Variants in LMAN1 observed in about 807,000 individuals in gnomAD.
The protein encoded by LMAN1 is protein ERGIC-53.
In LMAN1, 32 loss-of-function variants were observed where a neutral mutation model predicts 67.8. That is an observed-to-expected ratio of 0.47 (90% CI 0.36 to 0.63). LMAN1 has a LOEUF of 0.63. Ranked by LOEUF, LMAN1 falls within the 30% of genes least tolerant of loss-of-function variation. The probability of loss-of-function intolerance (pLI) is 0.00; values close to 1 mark genes in which losing one functional copy is unlikely to be tolerated. For synonymous variants in LMAN1, 235 were observed against 219.3 expected (o/e 1.07, Z -0.63); for missense variants, 632 against 628.2 (o/e 1.01, Z -0.06).
At chr18:59,334,793 GA>G (rs1054370087) in intron 10 of LMAN1, among the ~76,000 whole-genome samples, 1 of 151,924 alleles carries the variant, frequency 6.6e-6, no homozygotes, top group Non-Finnish European at 1.5e-5. Context: ...AATCCACAAA[GA>G]AACAAACTAC....
rs2070743413 is a variant in LMAN1, at chr18:59,330,914, C to T, written c.*179G>A. 5.0e-6 allele frequency: 3 copies of T among 604,956 alleles called. No individual in the cohort carries two copies. In the South Asian group the frequency reaches 6.5e-5, roughly 13 times the overall value. 37.5% of individuals were successfully genotyped at this position (604,956 alleles called of 1,614,324 possible). A position where few individuals can be genotyped will look rare whatever the true frequency, so the allele number is the denominator to read the frequency against. The stretch of plus-strand genomic sequence containing the variant: ...TTTAGACAGATTTACATACTGTGAA[C>T]AAATTAAAATGTGGTTGTCTTTGCT... On this transcript the variant is annotated 3_prime_UTR_variant, in exon 13 of 13. Transcript: ENST00000251047.
intron 10 of LMAN1, among the ~76,000 whole-genome samples, chr18:59,337,825 T>G (rs773169021): frequency 6.6e-6 from 1 of 152,230 alleles, no homozygotes; most frequent in South Asian, 2.1e-4. Flanking sequence ...ACCTTCTGTT[T>G]GATCTAACCT....
At position 59,346,024 on chromosome 18, in the gene LMAN1, T is replaced by C; in HGVS notation, c.850A>G (p.Lys284Glu). ...PPTPDKEISE[K>E]EKEKYQEEFE... ...TCCTCCTGATACTTTTCTTTTTCCT[T>C]TTCCGAAATTTCTTTATCTGGTGTG... Residue 284 changes from lysine (K) to glutamate (E), a missense_variant, in exon 8 of 13, where the codon AAG becomes GAG. Physicochemically the swap from Lys to Glu is moderately conservative, Grantham distance 56 (BLOSUM62 1). Transcript: ENST00000251047. 2 of 1,612,746 alleles carry C rather than the reference T, an allele frequency of 1.2e-6. No individual in the cohort carries two copies. The highest frequency in any genetic ancestry group is 1.7e-6 in the Non-Finnish European group (2 of 1,179,662).
chr18:59,342,911 T>G (rs905880160), intron 8 of LMAN1, among the ~76,000 whole-genome samples: 2 of 151,928 alleles, frequency 1.3e-5, no homozygotes, highest in African/African-American at 4.8e-5. Context: ...TCCTAATGAC[T>G]CCACCAAAAA....
Position 59,335,281 on chromosome 18 carries a change from A to T in LMAN1, c.1221-2037T>A, listed in dbSNP as rs373705236. 3.4e-4 allele frequency among the ~76,000 whole-genome samples: 51 copies of T among 152,120 alleles called. No individual in the cohort carries two copies. In the East Asian group the frequency reaches 5.6e-3, roughly 17 times the overall value. ...AAACCCCATCTCTACTAAAAATACA[A>T]AAGTAGCCAGGCATGGTGTCAGGTG... is the stretch of plus-strand genomic sequence containing the variant. On this transcript the variant is annotated intron_variant, in intron 10 of 12. Coordinates refer to ENST00000251047, the MANE Select transcript of LMAN1 (RefSeq NM_005570.4).
At chr18:59,336,033 CTG>C (rs1162708686) in intron 10 of LMAN1, among the ~76,000 whole-genome samples, 4 of 152,286 alleles carry the variant, frequency 2.6e-5, no homozygotes, top group Middle Eastern at 3.4e-3. Flanking sequence ...AAAATTAACT[CTG>C]TAGTGTTCAG....
intron 7 of LMAN1, among the ~76,000 whole-genome samples, chr18:59,346,396 G>A (rs1368971296): frequency 6.7e-6 from 1 of 150,264 alleles, no homozygotes; most frequent in African/African-American, 2.4e-5. Context: ...AATTTTTTTT[G>A]TATTTTTTAG....
chr18:59,353,843 A>G (rs1460359215), intron 4 of LMAN1, among the ~76,000 whole-genome samples: 14 of 152,182 alleles, frequency 9.2e-5, no homozygotes, highest in Non-Finnish European at 2.1e-4. Context: ...CTTATATAAA[A>G]TGGCACAGTA....
rs1215806818 is a variant in LMAN1 at position 59,329,776 on chromosome 18, A to G, written c.*1317T>C. 1 of 152,154 alleles carries G rather than the reference A, an allele frequency of 6.6e-6. No individual in the cohort carries two copies. The highest frequency in any genetic ancestry group is 1.5e-5 in the Non-Finnish European group (1 of 67,996). 9.4% of individuals were successfully genotyped at this position (152,154 alleles called of 1,614,324 possible). A position where few individuals can be genotyped will look rare whatever the true frequency, so the allele number is the denominator to read the frequency against. On this transcript the variant is annotated 3_prime_UTR_variant, in exon 13 of 13. Coordinates refer to ENST00000251047, the MANE Select transcript of LMAN1 (RefSeq NM_005570.4). Reference sequence around the variant, plus strand: ...ACCTAGGGAGGCTTGGAATAATTCAACAGTACTATTTTATAAGATAGTATT... The same window carrying G: ...ACCTAGGGAGGCTTGGAATAATTCAGCAGTACTATTTTATAAGATAGTATT...
chr18:59,348,890 T>C (rs1568116723), intron 6 of LMAN1, among the ~76,000 whole-genome samples: 1 of 152,196 alleles, frequency 6.6e-6, no homozygotes, highest in Non-Finnish European at 1.5e-5. Flanking sequence ...ATGCTGTAAT[T>C]GACACACTTG....
intron 1 of LMAN1, among the ~76,000 whole-genome samples, chr18:59,356,025 A>T (rs1305981065): frequency 6.6e-6 from 1 of 152,214 alleles, no homozygotes; most frequent in Admixed American, 6.5e-5. Context: ...AAGCTCAAAC[A>T]GTGTGAAAAG....
chr18:59,349,074 C>T lies in LMAN1; in HGVS notation c.763+39G>A, dbSNP rs768420268. 9 of 1,612,504 alleles carry T rather than the reference C, an allele frequency of 5.6e-6. No homozygotes were observed. In the East Asian group the frequency reaches 1.8e-4, roughly 32 times the overall value. ...AATATACTATTCCCAATAAAACACA[C>T]CTCACAAACTTTTAATATCATCAGA... On this transcript the variant is annotated intron_variant, in intron 6 of 12. Transcript: ENST00000251047.
Position 59,354,507 on chromosome 18 carries a change from A to G in LMAN1, c.539+12T>C, listed in dbSNP as rs192311552. 1.3e-5 allele frequency: 13 copies of G among 1,028,234 alleles called. No homozygotes were observed. In the East Asian group the frequency reaches 2.6e-4, roughly 21 times the overall value. The allele number at this position is 1,028,234 out of a possible 1,614,324, so 63.7% of individuals were successfully genotyped here. A position where few individuals can be genotyped will look rare whatever the true frequency, so the allele number is the denominator to read the frequency against. On this transcript the variant is annotated intron_variant, in intron 4 of 12. Transcript: ENST00000251047. ...GCTGAAATCAGGAGTAATGTAAAAA[A>G]CACACACTTACTTTTGATGGTCATA...
At chr18:59,344,718 T>A (rs1056539758) in intron 8 of LMAN1, among the ~76,000 whole-genome samples, 7 of 151,954 alleles carry the variant, frequency 4.6e-5, no homozygotes, top group Non-Finnish European at 4.4e-5. Flanking sequence ...AGGGTGAGAG[T>A]ACACTAAAAC....
At position 59,328,199 on chromosome 18, in the gene LMAN1, T is replaced by A. The variant is rs1231229792; in HGVS notation, c.*2894A>T. On this transcript the variant is annotated 3_prime_UTR_variant, in exon 13 of 13. Coordinates refer to ENST00000251047, the MANE Select transcript of LMAN1 (RefSeq NM_005570.4). ...CTCTGCAATGCAGTGAGGCAGGCAATCCCTTGTTCAAGTCATTTCTGTTTT... is the reference window on the plus strand; with the variant it reads ...CTCTGCAATGCAGTGAGGCAGGCAAACCCTTGTTCAAGTCATTTCTGTTTT... The A allele has an allele frequency of 6.6e-6, 1 of 152,210 alleles. No homozygotes were observed. Among genetic ancestry groups the A allele is most frequent in the African/African-American group, 2.4e-5 (1 of 41,446 alleles). 9.4% of individuals were successfully genotyped at this position (152,210 alleles called of 1,614,324 possible).
In LMAN1 at chr18:59,338,690, T is replaced by C. The variant is rs3737391; in HGVS notation, c.1150-63A>G. The C allele has an allele frequency of 2.6e-4, 424 of 1,603,134 alleles. 3 individuals carry two copies. In the East Asian group the frequency reaches 9.1e-3, roughly 34 times the overall value. On this transcript the variant is annotated intron_variant, in intron 9 of 12. Coordinates refer to ENST00000251047, the MANE Select transcript of LMAN1 (RefSeq NM_005570.4). ...CACATTCTATGAGCACATAGTACAG[T>C]TGCCCTTCTTCTTTACTTCCCTTCC...
Position 59,359,117 on chromosome 18 carries a change from T to C in LMAN1, c.128A>G (p.His43Arg). 1.2e-6 allele frequency: 2 copies of C among 1,614,096 alleles called. No homozygotes were observed. The highest frequency in any genetic ancestry group is 2.2e-5 in the South Asian group (2 of 91,086). ...VGGDPAVALPHRRFEYKYSFK... is the reference protein window; with the variant it reads ...VGGDPAVALPRRRFEYKYSFK... ...GCTGTATTTGTACTCGAAACGGCGA[T>C]GTGGCAACGCGACCGCGGGGTCTCC... The change falls in exon 1 of 13, where the codon CAT becomes CGT. Residue 43 changes from histidine to arginine, a missense_variant. Transcript: ENST00000251047.
intron 10 of LMAN1, among the ~76,000 whole-genome samples, chr18:59,335,438 GAA>G (rs556970935): frequency 1.2e-5 from 1 of 82,808 alleles, no homozygotes. Flanking sequence ...CATCTCAAAA[GAA>G]AAAAAAAAAA....
intron 11 of LMAN1, 74 bp downstream of exon 11, chr18:59,333,017 A>C (rs994420861): frequency 2.5e-5 from 31 of 1,257,876 alleles, no homozygotes; most frequent in Middle Eastern, 4.6e-4. Flanking sequence ...AAAGGGTTAA[A>C]ATACTTGCAG....
Sources: gnomAD v4.1 joint callset for allele counts (sites outside exome capture counted in the v4.1 genomes callset) on GRCh38, gnomAD v4.1.1 for gene constraint, MANE v1.5 for transcripts, NCBI Gene and HGNC (gene_info 2026-07-23, HGNC 2026-07-21) for gene names.